The following OR6K3 variants were observed in gnomAD, a reference collection of about 807,000 sequenced individuals.
The protein encoded by OR6K3 is olfactory receptor family 6 subfamily K member 3.
For missense variants in OR6K3, 396 were observed against 382.5 expected (o/e 1.04, Z -0.29); for synonymous variants, 169 against 137.7 (o/e 1.23, Z -1.59).
intron 1 of OR6K3, among the ~76,000 whole-genome samples, chr1:158,719,449 G>A (rs1656242044): frequency 6.6e-6 from 1 of 151,870 alleles, no homozygotes; most frequent in African/African-American, 2.4e-5. Flanking sequence ...TTAACTCTCT[G>A]TAGCTTCACC....
chr1:158,721,018 C>T (rs953258596), upstream of OR6K3, among the ~76,000 whole-genome samples: 10 of 151,994 alleles, frequency 6.6e-5, no homozygotes, highest in African/African-American at 2.4e-4. Context: ...ATTGTCTCAG[C>T]TGTTCTTGAG....
At chr1:158,722,641 A>T (rs374110875), upstream of OR6K3, among the ~76,000 whole-genome samples, 6 of 151,942 alleles carry the variant, frequency 3.9e-5, no homozygotes, top group South Asian at 6.2e-4. Flanking sequence ...CTTGTCCAAC[A>T]CCGGGCAGAT....
upstream of OR6K3, among the ~76,000 whole-genome samples, chr1:158,723,695 G>A (rs967837560): frequency 1.3e-5 from 2 of 151,954 alleles, no homozygotes; most frequent in African/African-American, 4.8e-5. Context: ...CTTGTTCAAA[G>A]TCACAAAGCA....
At chr1:158,721,358 A>G (rs562562889), upstream of OR6K3, among the ~76,000 whole-genome samples, 1 of 152,094 alleles carries the variant, frequency 6.6e-6, no homozygotes, top group South Asian at 2.1e-4. Flanking sequence ...TATTATTTAT[A>G]TCTGTGCTTC....
At chr1:158,720,807 A>G (rs1187567578), upstream of OR6K3, 1 of 152,062 alleles carries the variant, frequency 6.6e-6, no homozygotes, top group African/African-American at 2.4e-5. Context: ...CAGGAAAGGG[A>G]ACTGGGCTCT....
In OR6K3 at chr1:158,717,587, T is replaced by C. The variant is rs1262887957; in HGVS notation, c.529A>G (p.Ile177Val). The change falls in exon 2 of 2, where the codon ATC becomes GTC. Residue 177 changes from isoleucine (I) to valine (V), a missense_variant. Physicochemically the swap from Ile to Val is conservative, Grantham distance 29. Coordinates refer to ENST00000368145, the MANE Select transcript of OR6K3 (RefSeq NM_001005327.3). Reference sequence around the variant, plus strand: ...AGCACAGGGACCAAGTCACAGAAGATCTGATGGATTTGGTTGGGCCCACAG... The same window carrying C: ...AGCACAGGGACCAAGTCACAGAAGACCTGATGGATTTGGTTGGGCCCACAG... ...PFCGPNQIHQ[I>V]FCDLVPVLSL... 1 of 1,613,750 alleles carries C rather than the reference T, an allele frequency of 6.2e-7. No homozygotes were observed. The highest frequency in any genetic ancestry group is 8.5e-7 in the Non-Finnish European group (1 of 1,179,810).
At chr1:158,719,914 G>A (rs1656250405) in intron 1 of OR6K3, among the ~76,000 whole-genome samples, 1 of 151,922 alleles carries the variant, frequency 6.6e-6, no homozygotes, top group South Asian at 2.1e-4. Flanking sequence ...GCTCTAATGA[G>A]GTGAAATGAT....
In OR6K3 at chr1:158,718,266, A is replaced by G. The variant is rs567069717; in HGVS notation, c.-17-134T>C. 4.6e-4 allele frequency: 262 copies of G among 564,146 alleles called. 1 individual carries two copies. In the East Asian group the frequency reaches 5.6e-3, roughly 12 times the overall value. 34.9% of individuals were successfully genotyped at this position (564,146 alleles called of 1,614,324 possible). A position where few individuals can be genotyped will look rare whatever the true frequency, so the allele number is the denominator to read the frequency against. On this transcript the variant is annotated intron_variant, in intron 1 of 1. Coordinates refer to ENST00000368145, the MANE Select transcript of OR6K3 (RefSeq NM_001005327.3). ...CATTTTTTTTCCTGACTTTAAACTC[A>G]TGTACATATTGTCCAATGTTTGATT...
At position 158,717,318 on chromosome 1, in the gene OR6K3, T is replaced by C; in HGVS notation, c.798A>G (p.Pro266=). 1 of 1,613,672 alleles carries C rather than the reference T, an allele frequency of 6.2e-7. No individual in the cohort carries two copies. The part of the protein sequence containing the change: ...LMYLRFSDTY[P]PVLDTAIALM... ...GTGCAATGGCTGTGTCCAAAACTGGTGGATAAGTGTCGCTGAAACGCAAGT... is the reference window on the plus strand; with the variant it reads ...GTGCAATGGCTGTGTCCAAAACTGGCGGATAAGTGTCGCTGAAACGCAAGT... The change falls in exon 2 of 2, where the codon CCA becomes CCG. Residue 266 remains proline (P), a synonymous_variant. Coordinates refer to ENST00000368145, the MANE Select transcript of OR6K3 (RefSeq NM_001005327.3).
chr1:158,723,928 T>C (rs1333491949), upstream of OR6K3, among the ~76,000 whole-genome samples: 1 of 152,090 alleles, frequency 6.6e-6, no homozygotes, highest in African/African-American at 2.4e-5. Context: ...CCCACCTGTA[T>C]AAGTCTAGAC....
chr1:158,721,675 A>C (rs1271428333), upstream of OR6K3, among the ~76,000 whole-genome samples: 4 of 151,640 alleles, frequency 2.6e-5, no homozygotes, highest in African/African-American at 9.7e-5. Flanking sequence ...CTTTAATTTT[A>C]CTTATTATTT....
chr1:158,717,732 G>T lies in OR6K3; in HGVS notation c.384C>A (p.Asn128Lys), dbSNP rs1249265712. The T allele has an allele frequency of 6.2e-7, 1 of 1,613,684 alleles. No individual in the cohort carries two copies. The highest frequency in any genetic ancestry group is 8.5e-7 in the Non-Finnish European group (1 of 1,179,848). The change falls in exon 2 of 2, where the codon AAC (asparagine) becomes AAA (lysine). Residue 128 changes from asparagine to lysine, a missense_variant. Asn to Lys is a moderately conservative substitution (Grantham distance 94). Coordinates refer to ENST00000368145, the MANE Select transcript of OR6K3 (RefSeq NM_001005327.3). ...MAIDRYVAIC[N>K]PLRYQMIMTP... ...TCATGATCATTTGATAGCGAAGAGG[G>T]TTGCAGATGGCAACGTATCTGTCAA...
At chr1:158,721,784 T>C (rs1366692535), upstream of OR6K3, among the ~76,000 whole-genome samples, 1 of 151,978 alleles carries the variant, frequency 6.6e-6, no homozygotes, top group Non-Finnish European at 1.5e-5. Context: ...TCTTTGCATG[T>C]AATATTTGGC....
At chr1:158,721,434 A>G (rs1656280221), upstream of OR6K3, among the ~76,000 whole-genome samples, 1 of 151,870 alleles carries the variant, frequency 6.6e-6, no homozygotes. Flanking sequence ...TTATCATGTC[A>G]TCTTCTTCTG....
chr1:158,721,082 A>G (rs964005150), upstream of OR6K3, among the ~76,000 whole-genome samples: 13 of 152,028 alleles, frequency 8.6e-5, no homozygotes, highest in Non-Finnish European at 1.8e-4. Context: ...GCCTTCTTAT[A>G]TGAACACACA....
At position 158,718,138 on chromosome 1, in the gene OR6K3, A is replaced by AT; in HGVS notation, c.-17-7_-17-6insA. The AT allele has an allele frequency of 6.9e-7, 1 of 1,455,092 alleles. No homozygotes were observed. 90.1% of individuals were successfully genotyped at this position (1,455,092 alleles called of 1,614,324 possible). On this transcript the variant is annotated splice_region_variant and splice_polypyrimidine_tract_variant and intron_variant, in intron 1 of 1. Coordinates refer to ENST00000368145, the MANE Select transcript of OR6K3 (RefSeq NM_001005327.3). ...CATATTTCTAGTAGAGCTACCTGTAAATGGAGAGGGCATAGTCCAGCACAT... is the reference window on the plus strand; with the variant it reads ...CATATTTCTAGTAGAGCTACCTGTAATATGGAGAGGGCATAGTCCAGCACAT...
chr1:158,721,186 C>T (rs1160345427), upstream of OR6K3, among the ~76,000 whole-genome samples: 1 of 151,950 alleles, frequency 6.6e-6, no homozygotes, highest in East Asian at 1.9e-4. Context: ...ATAAACATGG[C>T]ACTGGGGATT....
intron 1 of OR6K3, 50 bp downstream of exon 1, chr1:158,720,633 T>G (rs1656263160): frequency 6.6e-6 from 1 of 152,096 alleles, no homozygotes; most frequent in Non-Finnish European, 1.5e-5. Context: ...ATGATGATTA[T>G]GCATGGTGAA....
chr1:158,718,809 T>C (rs1656229967), intron 1 of OR6K3, among the ~76,000 whole-genome samples: 1 of 152,056 alleles, frequency 6.6e-6, no homozygotes, highest in Non-Finnish European at 1.5e-5. Flanking sequence ...GAGTATCAGG[T>C]AATCATTTGC....
Sources: gnomAD v4.1 joint callset for allele counts (sites outside exome capture counted in the v4.1 genomes callset) on GRCh38, gnomAD v4.1.1 for gene constraint, MANE v1.5 for transcripts, NCBI Gene and HGNC (gene_info 2026-07-23, HGNC 2026-07-21) for gene names.